WNK1: variants seen among roughly 807,000 people sequenced by gnomAD.
The protein encoded by WNK1 is WNK lysine deficient protein kinase 1.
WNK1 carries 38 observed loss-of-function variants against 222.8 expected under a neutral mutation model. The ratio of observed to expected loss-of-function variants is 0.17; its 90% CI spans 0.13 to 0.22. The LOEUF is 0.22. Ranked by LOEUF, WNK1 falls within the 10% of genes least tolerant of loss-of-function variation. The probability of loss-of-function intolerance (pLI) is 1.00; values close to 1 mark genes in which losing one functional copy is unlikely to be tolerated. For missense variants in WNK1, 2,348 were observed against 2,918.4 expected (o/e 0.80, Z 4.50); for synonymous variants, 1,090 against 1,092.9 (o/e 1.00, Z 0.05).
At chr12:878,546 A>T (rs923465590) in intron 10 of WNK1, among the ~76,000 whole-genome samples, 185 bp downstream of exon 10, 1 of 152,138 alleles carries the variant, frequency 6.6e-6, no homozygotes, top group South Asian at 2.1e-4. Flanking sequence ...ATTGGTGCAT[A>T]TGCATTATTT....
intron 21 of WNK1, among the ~76,000 whole-genome samples, chr12:889,662 C>CA (rs1217798968): frequency 6.6e-6 from 1 of 151,892 alleles, no homozygotes; most frequent in Non-Finnish European, 1.5e-5. Flanking sequence ...AGTAAAAATA[C>CA]AAAAAATTAT....
At position 868,342 on chromosome 12, in the gene WNK1, A is replaced by T. The variant is rs150973260; in HGVS notation, c.2140-2923A>T. The T allele has an allele frequency of 3.1e-6, 5 of 1,613,688 alleles. No homozygotes were observed. In the Admixed American group the frequency reaches 6.7e-5, roughly 22 times the overall value. On this transcript the variant is annotated intron_variant, in intron 8 of 27. Coordinates refer to ENST00000315939, the MANE Select transcript of WNK1 (RefSeq NM_018979.4). ...AGTATGAGGGCATTCCATACAACTC[A>T]TCAGTACTGTCAAGTCCTATGAAAC... is the stretch of plus-strand genomic sequence containing the variant.
intron 8 of WNK1, among the ~76,000 whole-genome samples, chr12:870,958 CA>C: frequency 6.6e-6 from 1 of 152,166 alleles, no homozygotes; most frequent in East Asian, 1.9e-4. Flanking sequence ...TTTCTAATAA[CA>C]AATTTTATTA....
chr12:897,917 A>G (rs1002768590), intron 25 of WNK1, among the ~76,000 whole-genome samples: 13 of 152,200 alleles, frequency 8.5e-5, no homozygotes, highest in African/African-American at 2.7e-4. Context: ...ATTGCTATCT[A>G]CTGGTAATCT....
intron 1 of WNK1, among the ~76,000 whole-genome samples, chr12:809,265 C>G (rs979851981): frequency 1.2e-5 from 1 of 83,086 alleles, no homozygotes; most frequent in Admixed American, 1.4e-4. Flanking sequence ...TTTGGTCTTT[C>G]TGAAACTGGT....
In WNK1 at chr12:857,200, G is replaced by A; in HGVS notation, c.1351G>A (p.Glu451Lys). ...CAGTTTTGACAAAGTAGCAATTCCT[G>A]AAGTGAAGGAAATTATTGAAGGATG... ...PASFDKVAIP[E>K]VKEIIEGCIR... The change falls in exon 5 of 28, where the codon GAA (glutamate) becomes AAA (lysine). Residue 451 changes from glutamate (E) to lysine (K), a missense_variant. By Grantham distance (56) the Glu-to-Lys change is moderately conservative (BLOSUM62 1). This residue lies in a region of WNK1 where 37 missense variants were observed against 102.8 expected (regional missense o/e 0.36). Transcript: ENST00000315939. 1.2e-6 allele frequency: 2 copies of A among 1,614,192 alleles called. No homozygotes were observed. The highest frequency in any genetic ancestry group is 1.7e-6 in the Non-Finnish European group (2 of 1,180,026).
chr12:774,238 A>G (rs1314657180), intron 1 of WNK1, among the ~76,000 whole-genome samples: 1 of 152,088 alleles, frequency 6.6e-6, no homozygotes, highest in Admixed American at 6.6e-5. Flanking sequence ...TTTTACCATT[A>G]TTGTCTCTCC....
At chr12:817,632 G>A (rs915459434) in intron 2 of WNK1, among the ~76,000 whole-genome samples, 17 of 152,130 alleles carry the variant, frequency 1.1e-4, no homozygotes, top group Admixed American at 9.8e-4. Context: ...AGATGGGAAT[G>A]TATGAGTCAG....
chr12:794,000 G>A (rs1462629641), intron 1 of WNK1, among the ~76,000 whole-genome samples: 2 of 152,090 alleles, frequency 1.3e-5, no homozygotes, highest in South Asian at 2.1e-4. Context: ...TTTTATATAA[G>A]TGGAACCATA....
chr12:889,274 A>G (rs2154088666), intron 21 of WNK1, 51 bp downstream of exon 21: 1 of 1,460,906 alleles, frequency 6.8e-7, no homozygotes, highest in Non-Finnish European at 9.6e-7. Flanking sequence ...AATATATTAT[A>G]TGCCTGGGAC....
At chr12:867,539 A>G (rs554450318) in intron 8 of WNK1, among the ~76,000 whole-genome samples, 7 of 152,332 alleles carry the variant, frequency 4.6e-5, no homozygotes, top group Admixed American at 3.3e-4. Context: ...ATTTACATTA[A>G]TGCTTAAGAG....
chr12:758,126 C>T (rs1940450803), intron 1 of WNK1, among the ~76,000 whole-genome samples: 1 of 145,990 alleles, frequency 6.8e-6, no homozygotes, highest in South Asian at 2.2e-4. Flanking sequence ...CCCAAGTTGC[C>T]TCTGAAGAGT....
intron 25 of WNK1, among the ~76,000 whole-genome samples, chr12:899,896 T>C (rs1309098449): frequency 6.6e-6 from 1 of 151,968 alleles, no homozygotes; most frequent in East Asian, 1.9e-4. Context: ...GAATGGAATC[T>C]GGGTATCCAC....
At chr12:847,299 A>G (rs915288287) in intron 4 of WNK1, among the ~76,000 whole-genome samples, 1 of 152,192 alleles carries the variant, frequency 6.6e-6, no homozygotes, top group African/African-American at 2.4e-5. Flanking sequence ...TTTCTGATAT[A>G]CTGTAAATAA....
chr12:757,055 A>C (rs1940153170), intron 1 of WNK1, among the ~76,000 whole-genome samples: 1 of 152,138 alleles, frequency 6.6e-6, no homozygotes, highest in South Asian at 2.1e-4. Flanking sequence ...GTAGATGGCT[A>C]ATAAGTCATT....
chr12:849,713 C>A (rs1237093748), intron 4 of WNK1, among the ~76,000 whole-genome samples: 1 of 151,994 alleles, frequency 6.6e-6, no homozygotes, highest in Non-Finnish European at 1.5e-5. Context: ...GCTATCCCTC[C>A]CCCCTACCCC....
chr12:780,097 A>C (rs1943548263), intron 1 of WNK1, among the ~76,000 whole-genome samples: 1 of 152,168 alleles, frequency 6.6e-6, no homozygotes, highest in Admixed American at 6.6e-5. Context: ...ATGGATATTT[A>C]GGAAAGAGGA....
intron 1 of WNK1, among the ~76,000 whole-genome samples, chr12:776,739 A>C (rs1436572423): frequency 6.6e-6 from 1 of 151,896 alleles, no homozygotes; most frequent in African/African-American, 2.4e-5. Context: ...CCAGATCTTA[A>C]TGTGTTCTTG....
intron 1 of WNK1, among the ~76,000 whole-genome samples, chr12:788,681 G>A (rs1298808099): frequency 6.6e-6 from 1 of 152,136 alleles, no homozygotes; most frequent in Non-Finnish European, 1.5e-5. Context: ...AAAGTCAGGT[G>A]TTTGAGACAA....
Sources: gnomAD v4.1 joint callset for allele counts (sites outside exome capture counted in the v4.1 genomes callset) on GRCh38, gnomAD v4.1.1 for gene constraint, gnomAD v4.1.1 regional missense constraint, MANE v1.5 for transcripts, NCBI Gene and HGNC (gene_info 2026-07-23, HGNC 2026-07-21) for gene names.